The following C2orf42 variants were observed in gnomAD, a reference collection of about 807,000 sequenced individuals.
C2orf42 encodes the protein uncharacterized protein C2orf42.
In C2orf42, 44 loss-of-function variants were observed where a neutral mutation model predicts 58.9. The ratio of observed to expected loss-of-function variants is 0.75; its 90% confidence interval spans 0.59 to 0.96. C2orf42 has a LOEUF of 0.96. Ranked by LOEUF, C2orf42 falls within the 40% of genes least tolerant of loss-of-function variation. C2orf42 has a pLI of 0.00. For missense variants in C2orf42, 630 were observed against 699.2 expected (o/e 0.90, Z 1.12); for synonymous variants, 239 against 265.4 (o/e 0.90, Z 0.97).
chr2:70,169,249 A>C (rs1206727234), intron 6 of C2orf42, among the ~76,000 whole-genome samples: 40 of 62,694 alleles, frequency 6.4e-4, no homozygotes, highest in East Asian at 6.0e-3. Context: ...CTCCCTCACC[A>C]CACACACACA....
chr2:70,155,601 C>A (rs1455800012), intron 9 of C2orf42, among the ~76,000 whole-genome samples: 1 of 151,614 alleles, frequency 6.6e-6, no homozygotes, highest in Non-Finnish European at 1.5e-5. Flanking sequence ...GAGTTCGAGA[C>A]CAGCCTGACC....
intron 1 of C2orf42, among the ~76,000 whole-genome samples, chr2:70,188,221 T>C (rs1219616282): frequency 6.6e-6 from 1 of 152,034 alleles, no homozygotes; most frequent in Non-Finnish European, 1.5e-5. Context: ...GGAGTCTTGC[T>C]CTGTCACCCA....
chr2:70,150,191 A>T lies in C2orf42; in HGVS notation c.*165T>A. On this transcript the variant is annotated 3_prime_UTR_variant, in exon 10 of 10. Transcript: ENST00000264434. ...CAGCATCAAAAAGGCTATTTACAAG[A>T]GATTTTCTTCAACAGAATCCACTTG... 1 of 626,746 alleles carries T rather than the reference A, an allele frequency of 1.6e-6. No individual in the cohort carries two copies. Among genetic ancestry groups the T allele is most frequent in the Non-Finnish European group, 2.8e-6 (1 of 354,384 alleles). The allele number at this position is 626,746 out of a possible 1,614,324, so 38.8% of individuals were successfully genotyped here.
At chr2:70,151,587 TCG>T (rs1178690858) in intron 9 of C2orf42, among the ~76,000 whole-genome samples, 4 of 151,522 alleles carry the variant, frequency 2.6e-5, no homozygotes, top group Non-Finnish European at 4.4e-5. Context: ...TGAGCCAAGA[TCG>T]CACCACTTCA....
chr2:70,163,798 CGA>C (rs1355569534), intron 8 of C2orf42, among the ~76,000 whole-genome samples: 1 of 151,842 alleles, frequency 6.6e-6, no homozygotes, highest in Non-Finnish European at 1.5e-5. Context: ...TACAGTGAGC[CGA>C]GATCGTGCCA....
intron 9 of C2orf42, among the ~76,000 whole-genome samples, chr2:70,151,411 G>T (rs770638541): frequency 2.0e-5 from 3 of 152,086 alleles, no homozygotes; most frequent in Non-Finnish European, 4.4e-5. Flanking sequence ...TGAGGTGGGC[G>T]GATCACTTGA....
intron 1 of C2orf42, among the ~76,000 whole-genome samples, chr2:70,189,303 G>C (rs925307759): frequency 6.6e-6 from 1 of 151,104 alleles, no homozygotes; most frequent in African/African-American, 2.4e-5. Flanking sequence ...CTACTCCGGA[G>C]GCTGAGGCAG....
intron 1 of C2orf42, among the ~76,000 whole-genome samples, chr2:70,184,540 T>C (rs1379021461): frequency 7.4e-6 from 1 of 134,658 alleles, no homozygotes; most frequent in Non-Finnish European, 1.5e-5. Flanking sequence ...AAAGATGGAG[T>C]GCAGATCATG....
At chr2:70,164,292 A>G (rs1236528421) in intron 8 of C2orf42, among the ~76,000 whole-genome samples, 1 of 151,038 alleles carries the variant, frequency 6.6e-6, no homozygotes. Flanking sequence ...ACAGAGTAAG[A>G]CTCTGTCCCA....
intron 1 of C2orf42, chr2:70,190,470 T>G (rs1461294938): frequency 6.6e-6 from 1 of 152,274 alleles, no homozygotes; most frequent in Non-Finnish European, 1.5e-5. Flanking sequence ...GTAGATACTA[T>G]GTTACCCATC....
chr2:70,150,624 T>C lies in C2orf42; in HGVS notation c.1517-60A>G, dbSNP rs544253703. On this transcript the variant is annotated intron_variant, in intron 9 of 9. Coordinates refer to ENST00000264434, the MANE Select transcript of C2orf42 (RefSeq NM_017880.3). ...CCTAACTCTAATGGGTGTTCCTAAT[T>C]GCAAAAAAAGTGTCCGGAATTGGAG... The C allele has an allele frequency of 3.8e-6, 5 of 1,315,512 alleles. No individual in the cohort carries two copies. The South Asian group carries it at 4.8e-5, about 13-fold the overall frequency. The allele number at this position is 1,315,512 out of a possible 1,614,324, so 81.5% of individuals were successfully genotyped here.
chr2:70,181,726 C>T lies in C2orf42; in HGVS notation c.260G>A (p.Arg87Gln), dbSNP rs773261922. ...VRQRDRGPDY[R>Q]CFVELGVSET... ...TGAAACCCCGAGCTCCACAAAGCATCGGTAATCAGGGCCCCGGTCTCTTTG... is the reference window on the plus strand; with the variant it reads ...TGAAACCCCGAGCTCCACAAAGCATTGGTAATCAGGGCCCCGGTCTCTTTG... Residue 87 changes from arginine (R) to glutamine (Q), a missense_variant, in exon 3 of 10, where the codon CGA becomes CAA. By Grantham distance (43) the Arg-to-Gln change is conservative. Transcript: ENST00000264434. 6 of 1,614,174 alleles carry T rather than the reference C, an allele frequency of 3.7e-6. No homozygotes were observed. The highest frequency in any genetic ancestry group is 1.7e-5 in the Admixed American group (1 of 60,000).
intron 6 of C2orf42, among the ~76,000 whole-genome samples, chr2:70,166,829 A>G (rs2096666953): frequency 6.6e-6 from 1 of 151,868 alleles, no homozygotes. Flanking sequence ...GGATGAGAAC[A>G]ATGAGGCCGA....
intron 8 of C2orf42, among the ~76,000 whole-genome samples, chr2:70,161,737 G>C (rs971962467): frequency 3.3e-5 from 5 of 151,682 alleles, no homozygotes; most frequent in African/African-American, 7.3e-5. Context: ...CTACTCAGAA[G>C]GCTGAGGCAG....
intron 9 of C2orf42, among the ~76,000 whole-genome samples, 191 bp from the exon 10 acceptor site, chr2:70,150,755 GTTTTT>G (rs997084495): frequency 6.6e-6 from 1 of 151,622 alleles, no homozygotes; most frequent in Admixed American, 6.6e-5. Flanking sequence ...GGGTTATTTT[GTTTTT>G]TTTGAGACGG....
chr2:70,163,749 T>C (rs985048438), intron 8 of C2orf42, among the ~76,000 whole-genome samples: 2 of 151,456 alleles, frequency 1.3e-5, no homozygotes, highest in African/African-American at 2.4e-5. Flanking sequence ...ACTCAGGAGG[T>C]TGAGGCATGA....
At chr2:70,150,659 CA>C in intron 9 of C2orf42, 95 bp from the exon 10 acceptor site, 1 of 813,232 alleles carries the variant, frequency 1.2e-6, no homozygotes, top group South Asian at 1.5e-5. Flanking sequence ...GCAGCCTGTT[CA>C]GCTTTGATAA....
chr2:70,188,341 C>T (rs1284798753), intron 1 of C2orf42, among the ~76,000 whole-genome samples: 1 of 151,986 alleles, frequency 6.6e-6, no homozygotes, highest in Non-Finnish European at 1.5e-5. Flanking sequence ...GCGTCCACCA[C>T]CAAGCCCGGC....
intron 4 of C2orf42, among the ~76,000 whole-genome samples, chr2:70,177,981 A>G (rs1395984557): frequency 6.6e-6 from 1 of 152,224 alleles, no homozygotes; most frequent in Non-Finnish European, 1.5e-5. Flanking sequence ...TCCAGGCTGC[A>G]GTGAGCCATG....
Sources: allele counts gnomAD v4.1 joint callset (sites outside exome capture counted in the v4.1 genomes callset), GRCh38; gene constraint gnomAD v4.1.1; transcripts MANE v1.5; gene names NCBI Gene and HGNC (gene_info 2026-07-23, HGNC 2026-07-21).